The following FRMD4B variants were observed in gnomAD, a reference collection of about 807,000 sequenced individuals.
FRMD4B encodes the protein FERM domain-containing protein 4B.
In FRMD4B, 74 loss-of-function variants were observed where a neutral mutation model predicts 141.5. The observed-to-expected ratio is 0.52, with a 90% CI of 0.43 to 0.63. The LOEUF (loss-of-function observed/expected upper bound fraction) is 0.63, where lower values mean the gene tolerates loss of function less well. FRMD4B is among the 30% of genes least tolerant of loss of function. The probability of loss-of-function intolerance (pLI) is 0.00; values close to 1 mark genes in which losing one functional copy is unlikely to be tolerated. For synonymous variants in FRMD4B, 506 were observed against 467.9 expected, an observed-to-expected ratio of 1.08 and a Z score of -1.05; for missense variants, 1,366 against 1,253.4, an observed-to-expected ratio of 1.09 and a Z score of -1.36.
At chr3:69,496,645 G>A (rs867617244) in intron 1 of FRMD4B, among the ~76,000 whole-genome samples, 4 of 97,370 alleles carry the variant, frequency 4.1e-5, no homozygotes, top group African/African-American at 1.3e-4. Context: ...GAAAGAGAGA[G>A]AGAGAGAGAG....
intron 3 of FRMD4B, among the ~76,000 whole-genome samples, chr3:69,309,839 TAC>T (rs141178717): frequency 0.014 from 2,183 of 152,324 alleles, 43 homozygotes; most frequent in African/African-American, 0.05. Context: ...TTATAGCAGT[TAC>T]AGTTTATACC....
intron 2 of FRMD4B, among the ~76,000 whole-genome samples, chr3:69,312,089 T>C (rs994992700): frequency 1.3e-5 from 2 of 152,150 alleles, no homozygotes; most frequent in African/African-American, 4.8e-5. Context: ...TCAACAGTAA[T>C]GAGCACCTAG....
At chr3:69,190,482 G>A (rs1469139226) in intron 17 of FRMD4B, among the ~76,000 whole-genome samples, 4 of 150,912 alleles carry the variant, frequency 2.7e-5, no homozygotes, top group Admixed American at 6.6e-5. Context: ...TGGTGTGATC[G>A]TGGCTCACTG....
chr3:69,297,178 T>C (rs1575703918), intron 4 of FRMD4B, among the ~76,000 whole-genome samples: 2 of 152,162 alleles, frequency 1.3e-5, no homozygotes, highest in African/African-American at 4.8e-5. Flanking sequence ...GTTGTAGTCA[T>C]GATGCTTCCT....
intron 1 of FRMD4B, among the ~76,000 whole-genome samples, chr3:69,380,392 C>T (rs1469682729): frequency 1.3e-5 from 2 of 152,246 alleles, no homozygotes; most frequent in East Asian, 3.9e-4. Flanking sequence ...AATAGTAATG[C>T]CCCTAGCTAC....
chr3:69,526,480 G>A (rs1700932017), intron 1 of FRMD4B, among the ~76,000 whole-genome samples: 1 of 152,274 alleles, frequency 6.6e-6, no homozygotes, highest in South Asian at 2.1e-4. Flanking sequence ...CCGCTGTGGA[G>A]TAAGTTATGA....
chr3:69,308,169 C>T (rs952326306), intron 3 of FRMD4B, among the ~76,000 whole-genome samples: 3 of 152,076 alleles, frequency 2.0e-5, no homozygotes, highest in African/African-American at 7.2e-5. Context: ...TATTGTGGGC[C>T]GGTGCTATAT....
chr3:69,431,518 T>C (rs1163439260), intron 2 of FRMD4B, among the ~76,000 whole-genome samples: 1 of 152,232 alleles, frequency 6.6e-6, no homozygotes, highest in Admixed American at 6.5e-5. Flanking sequence ...TACTCAATGA[T>C]AAAATCAACC....
chr3:69,347,615 A>T (rs1224549987), intron 1 of FRMD4B, among the ~76,000 whole-genome samples: 1 of 152,238 alleles, frequency 6.6e-6, no homozygotes, highest in Non-Finnish European at 1.5e-5. Context: ...AAAAGAACAG[A>T]AATTATAACA....
At chr3:69,267,623 A>G (rs2093571491) in intron 5 of FRMD4B, among the ~76,000 whole-genome samples, 3 of 12,350 alleles carry the variant, frequency 2.4e-4, no homozygotes, top group African/African-American at 6.8e-4. Flanking sequence ...ATATATATAT[A>G]TATATATATA....
intron 1 of FRMD4B, among the ~76,000 whole-genome samples, chr3:69,445,291 T>A (rs911621553): frequency 2.0e-5 from 3 of 152,130 alleles, no homozygotes; most frequent in African/African-American, 7.2e-5. Context: ...ATAACCAGAG[T>A]TCACGTCACA....
intron 5 of FRMD4B, among the ~76,000 whole-genome samples, chr3:69,270,093 T>G (rs1358977810): frequency 6.6e-6 from 1 of 152,172 alleles, no homozygotes; most frequent in Non-Finnish European, 1.5e-5. Context: ...CATAGCTCAC[T>G]GCAGCCTCAA....
chr3:69,269,552 A>G (rs1348185415), intron 5 of FRMD4B, among the ~76,000 whole-genome samples: 21 of 152,182 alleles, frequency 1.4e-4, no homozygotes, highest in African/African-American at 7.2e-5. Context: ...CAAACTATGG[A>G]CGGTCTCTCC....
Position 69,193,434 on chromosome 3 carries a change from T to TGA in FRMD4B, c.1714+212_1714+213dup, listed in dbSNP as rs1459045854. Among the ~76,000 whole-genome samples the TGA allele has an allele frequency of 1.9e-4, 29 of 152,198 alleles. 1 individual carries two copies. Among genetic ancestry groups the TGA allele is most frequent in the Admixed American group, 1.6e-3 (25 of 15,298 alleles). ...GAGGCAGGACAATCACTTGAACCCA[T>TGA]GAGGTGGAGTTTGCAGTGAGCCGAG... On this transcript the variant is annotated intron_variant, in intron 17 of 22. Transcript: ENST00000398540.
chr3:69,466,623 T>C (rs959718940), intron 1 of FRMD4B, among the ~76,000 whole-genome samples: 1 of 152,244 alleles, frequency 6.6e-6, no homozygotes, highest in South Asian at 2.1e-4. Context: ...ATGATAATCA[T>C]ACATTTTGCC....
intron 1 of FRMD4B, 43 bp from the exon 2 acceptor site, chr3:69,313,560 G>A (rs754241055): frequency 1.4e-5 from 17 of 1,243,612 alleles, no homozygotes; most frequent in Admixed American, 8.0e-5. Flanking sequence ...GGCCACGGCT[G>A]GCAAGCAAAC....
At chr3:69,354,951 C>T (rs1036393344) in intron 1 of FRMD4B, among the ~76,000 whole-genome samples, 5 of 151,176 alleles carry the variant, frequency 3.3e-5, no homozygotes, top group Non-Finnish European at 7.4e-5. Context: ...CCCAATTGGA[C>T]GGGTTGGATG....
chr3:69,411,873 C>A (rs985083511), intron 2 of FRMD4B, among the ~76,000 whole-genome samples: 1 of 152,158 alleles, frequency 6.6e-6, no homozygotes, highest in Admixed American at 6.5e-5. Flanking sequence ...AAACTCCTGA[C>A]TGAGTGATTT....
chr3:69,495,409 C>A (rs1286780935), intron 1 of FRMD4B, among the ~76,000 whole-genome samples: 1 of 152,240 alleles, frequency 6.6e-6, no homozygotes, highest in Non-Finnish European at 1.5e-5. Context: ...GTTGGCTGCA[C>A]AAATACACCA....
Sources: allele counts gnomAD v4.1 joint callset (sites outside exome capture counted in the v4.1 genomes callset), GRCh38; gene constraint gnomAD v4.1.1; transcripts MANE v1.5; gene names NCBI Gene and HGNC (gene_info 2026-07-23, HGNC 2026-07-21).